ADGRL2: variants seen among roughly 807,000 people sequenced by gnomAD.
ADGRL2 encodes the protein adhesion G protein-coupled receptor L2.
ADGRL2 carries 44 observed loss-of-function variants against 157.4 expected under a neutral mutation model. The observed-to-expected ratio is 0.28, with a 90% CI of 0.22 to 0.36. The LOEUF is 0.36. Among genes scored for constraint, ADGRL2 ranks in the 10% least tolerant of loss-of-function variants. The pLI, the probability that ADGRL2 is intolerant of heterozygous loss-of-function variation, is 1.00. For synonymous variants in ADGRL2, 585 were observed against 624.7 expected (o/e 0.94, Z 0.95); for missense variants, 1,510 against 1,768.9 (o/e 0.85, Z 2.63).
intron 2 of ADGRL2, among the ~76,000 whole-genome samples, chr1:81,495,739 T>C (rs2078717565): frequency 6.6e-6 from 1 of 152,334 alleles, no homozygotes; most frequent in Admixed American, 6.5e-5. Context: ...CATGCTTTTG[T>C]TGAGAAAATA....
chr1:81,675,989 G>T (rs1253618248), intron 3 of ADGRL2, among the ~76,000 whole-genome samples: 1 of 152,066 alleles, frequency 6.6e-6, no homozygotes, highest in Non-Finnish European at 1.5e-5. Context: ...CCATAACAAG[G>T]TTTTTTGTCT....
intron 1 of ADGRL2, among the ~76,000 whole-genome samples, chr1:81,409,219 C>T (rs375185675): frequency 3.3e-4 from 51 of 152,246 alleles, no homozygotes; most frequent in South Asian, 1.0e-3. Context: ...ACTGGTGCAT[C>T]CGCTACTAAA....
intron 23 of ADGRL2, chr1:81,989,736 G>T: frequency 1.2e-6 from 2 of 1,606,932 alleles, no homozygotes; most frequent in Non-Finnish European, 1.7e-6. Context: ...GCTGTCTATC[G>T]TGATGTTGGA....
chr1:81,569,059 T>C (rs1298827002), intron 2 of ADGRL2, among the ~76,000 whole-genome samples: 1 of 152,190 alleles, frequency 6.6e-6, no homozygotes, highest in Non-Finnish European at 1.5e-5. Context: ...TAGCCACTTA[T>C]TTCCCTACCT....
Position 81,956,405 on chromosome 1 carries a change from A to G in ADGRL2, c.2017+345A>G, listed in dbSNP as rs3790885. On this transcript the variant is annotated intron_variant, in intron 11 of 23. Coordinates refer to ENST00000686636, the MANE Select transcript of ADGRL2 (RefSeq NM_001366006.2). ...CAAATGCTTAATCGTTTTATATAAT[A>G]TGTTCCTAATGAATTTAAATTATTT... 3.9e-5 allele frequency among the ~76,000 whole-genome samples: 6 copies of G among 152,286 alleles called. No homozygotes were observed. In the East Asian group the frequency reaches 1.2e-3, roughly 29 times the overall value.
chr1:81,437,071 G>A (rs2101651778), intron 1 of ADGRL2, among the ~76,000 whole-genome samples: 1 of 152,224 alleles, frequency 6.6e-6, no homozygotes, highest in African/African-American at 2.4e-5. Context: ...CCTACAGTCT[G>A]GATTATAATT....
At chr1:81,534,500 A>G (rs1951921) in intron 2 of ADGRL2, among the ~76,000 whole-genome samples, 14,271 of 152,238 alleles carry the variant, frequency 0.094, 1,356 homozygotes, top group African/African-American at 0.25. Flanking sequence ...CATTTTATCT[A>G]CAGCATCCTC....
intron 2 of ADGRL2, among the ~76,000 whole-genome samples, chr1:81,528,032 A>T (rs752311814): frequency 2.0e-5 from 3 of 152,132 alleles, no homozygotes; most frequent in Non-Finnish European, 2.9e-5. Flanking sequence ...GCGTCACTGC[A>T]CTCCAGTCTG....
intron 1 of ADGRL2, among the ~76,000 whole-genome samples, chr1:81,417,527 A>G (rs2077053275): frequency 6.6e-6 from 1 of 152,192 alleles, no homozygotes; most frequent in South Asian, 2.1e-4. Context: ...ACCTTTTTGG[A>G]ATGGATTATT....
At chr1:81,862,478 T>A (rs555459536) in intron 2 of ADGRL2, among the ~76,000 whole-genome samples, 5 of 152,284 alleles carry the variant, frequency 3.3e-5, no homozygotes, top group African/African-American at 1.2e-4. Context: ...TATCTAATAT[T>A]AAGATAACAA....
At chr1:81,563,163 G>A (rs1011572090) in intron 2 of ADGRL2, among the ~76,000 whole-genome samples, 3 of 152,156 alleles carry the variant, frequency 2.0e-5, no homozygotes, top group Non-Finnish European at 4.4e-5. Context: ...GAGGAAATGG[G>A]CTCGTGTCAC....
At chr1:81,780,004 G>C (rs2086748574) in intron 2 of ADGRL2, among the ~76,000 whole-genome samples, 1 of 152,118 alleles carries the variant, frequency 6.6e-6, no homozygotes, top group South Asian at 2.1e-4. Flanking sequence ...CACATCTGAG[G>C]TCTGCACTAG....
At chr1:81,668,951 A>G (rs2082811458) in intron 3 of ADGRL2, among the ~76,000 whole-genome samples, 1 of 152,088 alleles carries the variant, frequency 6.6e-6, no homozygotes, top group Admixed American at 6.6e-5. Flanking sequence ...TACCTTCCTC[A>G]ATATCTTGCT....
chr1:81,616,664 C>CTTTTA lies in ADGRL2; in HGVS notation c.-143+35688_-143+35689insATTTT, dbSNP rs1553130786. The stretch of plus-strand genomic sequence containing the variant: ...TTTTTGGGTTTTTTTTTTTTCTTTT[C>CTTTTA]TTTTCTTTTCTTTTCTTTTTTTTTT... On this transcript the variant is annotated intron_variant, in intron 3 of 24. Coordinates refer to the ADGRL2 transcript ENST00000370721. Among the ~76,000 whole-genome samples, 318 of 110,474 alleles carry CTTTTA rather than the reference C, an allele frequency of 2.9e-3. 2 individuals carry two copies. Among genetic ancestry groups the CTTTTA allele is most frequent in the South Asian group, 6.4e-3 (23 of 3,598 alleles). The allele number at this position is 110,474 out of a possible 152,430, so 72.5% of individuals were successfully genotyped here.
chr1:81,389,791 T>C (rs989418452), intron 1 of ADGRL2, among the ~76,000 whole-genome samples: 2 of 152,308 alleles, frequency 1.3e-5, no homozygotes, highest in South Asian at 4.1e-4. Context: ...GAGCAAAGCA[T>C]GGTTCTTGCA....
chr1:81,684,028 G>T (rs148085746), intron 3 of ADGRL2, among the ~76,000 whole-genome samples: 1 of 152,138 alleles, frequency 6.6e-6, no homozygotes, highest in South Asian at 2.1e-4. Context: ...TGTTGGTCAG[G>T]CTGGTCTCGA....
chr1:81,415,258 C>T (rs150429530), intron 1 of ADGRL2, among the ~76,000 whole-genome samples: 2 of 152,118 alleles, frequency 1.3e-5, no homozygotes, highest in African/African-American at 2.4e-5. Flanking sequence ...AGTAGTATCA[C>T]GGAAGAATTT....
chr1:81,676,439 A>G (rs550186460), intron 3 of ADGRL2, among the ~76,000 whole-genome samples: 1 of 152,298 alleles, frequency 6.6e-6, no homozygotes, highest in South Asian at 2.1e-4. Context: ...CTAGGACTAC[A>G]GGAACACAGC....
chr1:81,321,665 C>T (rs1212108989), intron 1 of ADGRL2, among the ~76,000 whole-genome samples: 3 of 152,216 alleles, frequency 2.0e-5, no homozygotes, highest in South Asian at 2.1e-4. Flanking sequence ...ATTAAATTCA[C>T]GGTCTTACAT....
Sources: gnomAD v4.1 joint callset for allele counts (sites outside exome capture counted in the v4.1 genomes callset) on GRCh38, gnomAD v4.1.1 for gene constraint, MANE v1.5 for transcripts, NCBI Gene and HGNC (gene_info 2026-07-23, HGNC 2026-07-21) for gene names.